The following NETO1 variants were observed in gnomAD, a reference collection of about 807,000 sequenced individuals.
NETO1 encodes the protein neuropilin and tolloid like 1.
NETO1 carries 26 observed loss-of-function variants against 61.3 expected under a neutral mutation model. That is an observed-to-expected ratio of 0.42 (90% confidence interval 0.31 to 0.59). NETO1 has a LOEUF of 0.59. NETO1 is among the 20% of genes least tolerant of loss of function. The probability of loss-of-function intolerance (pLI) is 0.12; values close to 1 mark genes in which losing one functional copy is unlikely to be tolerated. For synonymous variants in NETO1, 225 were observed against 225.8 expected (o/e 1.00, Z 0.03); for missense variants, 531 against 662.8 (o/e 0.80, Z 2.18).
intron 7 of NETO1, among the ~76,000 whole-genome samples, chr18:72,761,637 T>C (rs2070975998): frequency 6.6e-6 from 1 of 152,208 alleles, no homozygotes; most frequent in Non-Finnish European, 1.5e-5. Flanking sequence ...TTTGCAGACA[T>C]GTAAATGATC....
chr18:72,863,246 G>A (rs918245883), intron 3 of NETO1, among the ~76,000 whole-genome samples: 6 of 152,276 alleles, frequency 3.9e-5, no homozygotes, highest in South Asian at 4.1e-4. Context: ...GATGCGCCAC[G>A]AAGGTCCCCA....
rs749044513 is a variant in NETO1 at position 72,830,445 on chromosome 18, A to G, written c.469+28381T>C. ...GTGAGATCACCTTTGCTGGGCGGTG[A>G]AAGGGACCAGGGCATCTAAACAAGG... On this transcript the variant is annotated intron_variant, in intron 4 of 10. Transcript: ENST00000327305. The surrounding 1 kb of genome is among the most constrained non-coding windows in gnomAD (Gnocchi z 4.9). Among the ~76,000 whole-genome samples, 3 of 152,198 alleles carry G rather than the reference A, an allele frequency of 2.0e-5. No homozygotes were observed. The highest frequency in any genetic ancestry group is 4.4e-5 in the Non-Finnish European group (3 of 68,038).
At chr18:72,800,074 C>T (rs2072456210) in intron 4 of NETO1, among the ~76,000 whole-genome samples, 1 of 152,222 alleles carries the variant, frequency 6.6e-6, no homozygotes, top group South Asian at 2.1e-4. Flanking sequence ...GAGCCAGGGC[C>T]TTCTTTCTCA....
At chr18:72,828,634 T>C (rs759201919) in intron 4 of NETO1, among the ~76,000 whole-genome samples, 2 of 152,180 alleles carry the variant, frequency 1.3e-5, no homozygotes, top group Non-Finnish European at 2.9e-5. Flanking sequence ...CTAGAAGGTA[T>C]AATGTATTCT....
At chr18:72,863,914 C>T (rs1385685453) in intron 3 of NETO1, among the ~76,000 whole-genome samples, 2 of 152,006 alleles carry the variant, frequency 1.3e-5, no homozygotes, top group Admixed American at 1.3e-4. Context: ...ACATTTTAAA[C>T]GTTGTACTTA....
In NETO1 at chr18:72,848,040, T is replaced by C. The variant is rs929533681; in HGVS notation, c.469+10786A>G. Among the ~76,000 whole-genome samples, 3 of 152,230 alleles carry C rather than the reference T, an allele frequency of 2.0e-5. No individual in the cohort carries two copies. The South Asian group carries it at 6.2e-4, about 32-fold the overall frequency. Reference sequence around the variant, plus strand: ...GAGATAATTTGAGTCTTTTTCACATTGTGCCTTCTGGCACTGACACTTCTA... The same window carrying C: ...GAGATAATTTGAGTCTTTTTCACATCGTGCCTTCTGGCACTGACACTTCTA... On this transcript the variant is annotated intron_variant, in intron 4 of 10. Coordinates refer to ENST00000327305, the MANE Select transcript of NETO1 (RefSeq NM_138966.5).
chr18:72,864,011 T>C (rs952872628), intron 3 of NETO1, among the ~76,000 whole-genome samples: 13 of 152,118 alleles, frequency 8.5e-5, no homozygotes, highest in African/African-American at 3.1e-4. Flanking sequence ...CTTGAGGTCA[T>C]GAGTTTGAGA....
intron 10 of NETO1, 186 bp from the exon 11 acceptor site, chr18:72,748,350 A>ATAACAATATAAAAC: frequency 1.0e-6 from 1 of 955,864 alleles, no homozygotes; most frequent in Non-Finnish European, 1.2e-6. Context: ...AGGCTAATAT[A>ATAACAATATAAAAC]GATATAAACA....
chr18:72,805,305 G>T (rs971321279), intron 4 of NETO1, among the ~76,000 whole-genome samples: 4 of 152,074 alleles, frequency 2.6e-5, no homozygotes, highest in African/African-American at 9.7e-5. Flanking sequence ...AAATACAAAT[G>T]AATCAAATTT....
At chr18:72,794,279 C>G in intron 5 of NETO1, 35 bp from the exon 6 acceptor site, 2 of 1,613,978 alleles carry the variant, frequency 1.2e-6, no homozygotes, top group Non-Finnish European at 1.7e-6. Context: ...CACACAAAAA[C>G]GGAGCTTGAA....
intron 4 of NETO1, among the ~76,000 whole-genome samples, chr18:72,794,699 C>T (rs1286242315): frequency 6.6e-6 from 1 of 152,048 alleles, no homozygotes; most frequent in African/African-American, 2.4e-5. Context: ...TACTCATTAC[C>T]TATAACTCCA....
chr18:72,783,782 G>A lies in NETO1; in HGVS notation c.764C>T (p.Ala255Val). ...ACCCGTGCGTAGCATGACATCATTAGCCACAGTGCTACAGAACTTAGCTTT... is the reference window on the plus strand; with the variant it reads ...ACCCGTGCGTAGCATGACATCATTAACCACAGTGCTACAGAACTTAGCTTT... ...DLKAKFCSTVANDVMLRTGLG... is the reference protein window; with the variant it reads ...DLKAKFCSTVVNDVMLRTGLG... The change falls in exon 7 of 11, where the codon GCT (alanine) becomes GTT (valine). Residue 255 changes from alanine (A) to valine (V), a missense_variant. By Grantham distance (64) the Ala-to-Val change is moderately conservative (BLOSUM62 0). Transcript: ENST00000327305. 1 of 1,614,160 alleles carries A rather than the reference G, an allele frequency of 6.2e-7. No homozygotes were observed. Among genetic ancestry groups the A allele is most frequent in the Non-Finnish European group, 8.5e-7 (1 of 1,180,036 alleles).
At chr18:72,768,388 C>A (rs1349928291) in intron 7 of NETO1, among the ~76,000 whole-genome samples, 1 of 152,030 alleles carries the variant, frequency 6.6e-6, no homozygotes, top group Non-Finnish European at 1.5e-5. Context: ...GCCTTAAAGT[C>A]AACTTAATAA....
intron 1 of NETO1, chr18:72,866,633 G>T: frequency 1.2e-6 from 1 of 841,480 alleles, no homozygotes; most frequent in Non-Finnish European, 1.4e-6. Flanking sequence ...TCTTTGCTTA[G>T]TAATGATACA....
intron 8 of NETO1, among the ~76,000 whole-genome samples, chr18:72,752,841 G>T (rs369241929): frequency 6.6e-6 from 1 of 152,046 alleles, no homozygotes; most frequent in African/African-American, 2.4e-5. Flanking sequence ...GTAAAGTCTA[G>T]AATTGAACAG....
At chr18:72,782,631 C>T (rs1198117326) in intron 7 of NETO1, among the ~76,000 whole-genome samples, 1 of 151,748 alleles carries the variant, frequency 6.6e-6, no homozygotes, top group Non-Finnish European at 1.5e-5. Context: ...ATGGAGAAAC[C>T]CCATCTCTAC....
chr18:72,771,592 T>A (rs1320062293), intron 7 of NETO1, among the ~76,000 whole-genome samples: 2 of 152,138 alleles, frequency 1.3e-5, no homozygotes, highest in Non-Finnish European at 2.9e-5. Context: ...AAATGAAAAG[T>A]TATTAATGAT....
Position 72,762,946 on chromosome 18 carries a change from A to T in NETO1, c.869-6799T>A, listed in dbSNP as rs185964231. On this transcript the variant is annotated intron_variant, in intron 7 of 10. Coordinates refer to ENST00000327305, the MANE Select transcript of NETO1 (RefSeq NM_138966.5). ...CTCAAAATAAAGGTAGATTTACATA[A>T]TGTATTTAATAAAGAATCATAGAAC... 1.8e-3 allele frequency among the ~76,000 whole-genome samples: 270 copies of T among 152,352 alleles called. 1 individual carries two copies. Among genetic ancestry groups the T allele is most frequent in the South Asian group, 3.3e-3 (16 of 4,834 alleles).
chr18:72,788,860 C>T (rs574125793), intron 6 of NETO1, among the ~76,000 whole-genome samples: 3 of 152,222 alleles, frequency 2.0e-5, no homozygotes, highest in African/African-American at 7.2e-5. Context: ...ACCTGCTCAA[C>T]CAGGTCCCTC....
Sources: allele counts gnomAD v4.1 joint callset (sites outside exome capture counted in the v4.1 genomes callset), GRCh38; gene constraint gnomAD v4.1.1; non-coding constraint Gnocchi (gnomAD v3.1); transcripts MANE v1.5; gene names NCBI Gene and HGNC (gene_info 2026-07-23, HGNC 2026-07-21).